Variants in GTF2F2 observed in about 807,000 individuals in gnomAD.
The protein encoded by GTF2F2 is general transcription factor IIF subunit 2, also known as ATP-dependent helicase GTF2F2.
GTF2F2 carries 23 observed loss-of-function variants against 42.2 expected under a neutral mutation model. The ratio of observed to expected loss-of-function variants is 0.55; its 90% CI spans 0.39 to 0.77. The LOEUF (loss-of-function observed/expected upper bound fraction) is 0.77. Ranked by LOEUF, GTF2F2 falls within the 30% of genes least tolerant of loss-of-function variation. The pLI, the probability that GTF2F2 is intolerant of heterozygous loss-of-function variation, is 0.00. For synonymous variants in GTF2F2, 105 were observed against 100.8 expected (o/e 1.04, Z -0.25); for missense variants, 261 against 287.2 (o/e 0.91, Z 0.66).
At chr13:45,210,599 C>G (rs2138192540) in intron 5 of GTF2F2, among the ~76,000 whole-genome samples, 1 of 152,060 alleles carries the variant, frequency 6.6e-6, no homozygotes, top group South Asian at 2.1e-4. Flanking sequence ...TTGTTTTTTT[C>G]TTTTTTGACT....
chr13:45,168,103 G>A (rs568344830), intron 4 of GTF2F2, among the ~76,000 whole-genome samples: 3 of 152,282 alleles, frequency 2.0e-5, no homozygotes, highest in Non-Finnish European at 2.9e-5. Context: ...AAAGAAAAAA[G>A]TCTGGTTTAG....
intron 5 of GTF2F2, among the ~76,000 whole-genome samples, chr13:45,242,688 G>T (rs1474525025): frequency 6.6e-6 from 1 of 152,108 alleles, no homozygotes; most frequent in African/African-American, 2.4e-5. Context: ...ATTAAATTAG[G>T]CAGAATTATA....
At chr13:45,141,996 G>A (rs1202670396) in intron 2 of GTF2F2, among the ~76,000 whole-genome samples, 3 of 152,138 alleles carry the variant, frequency 2.0e-5, no homozygotes, top group Non-Finnish European at 4.4e-5. Context: ...CTGAGGCTTT[G>A]GTTTACTTTG....
intron 2 of GTF2F2, among the ~76,000 whole-genome samples, chr13:45,148,336 T>A (rs746055757): frequency 1.8e-4 from 27 of 152,240 alleles, no homozygotes; most frequent in Non-Finnish European, 3.5e-4. Flanking sequence ...GTCTGTATTT[T>A]GTACTGTGAT....
At chr13:45,261,128 A>G (rs1385404499) in intron 6 of GTF2F2, among the ~76,000 whole-genome samples, 2 of 151,820 alleles carry the variant, frequency 1.3e-5, no homozygotes, top group African/African-American at 4.8e-5. Context: ...CCCATCTCAA[A>G]AAAGAAAAGG....
intron 5 of GTF2F2, among the ~76,000 whole-genome samples, chr13:45,245,909 C>G (rs1875575753): frequency 7.0e-6 from 1 of 142,996 alleles, no homozygotes; most frequent in Admixed American, 7.0e-5. Flanking sequence ...CCATTGCACT[C>G]CAGCCTGGGC....
intron 5 of GTF2F2, among the ~76,000 whole-genome samples, chr13:45,227,308 A>G (rs1468834489): frequency 6.6e-6 from 1 of 152,220 alleles, no homozygotes; most frequent in African/African-American, 2.4e-5. Flanking sequence ...TATTCAATTA[A>G]AAATGTAAGA....
chr13:45,151,857 G>T, intron 4 of GTF2F2, 26 bp downstream of exon 4: 2 of 1,070,840 alleles, frequency 1.9e-6, no homozygotes, highest in Non-Finnish European at 2.5e-6. Flanking sequence ...ATTATTTAAT[G>T]TGATTCCTGT....
chr13:45,121,011 C>T (rs1008641288), intron 1 of GTF2F2, among the ~76,000 whole-genome samples: 11 of 152,180 alleles, frequency 7.2e-5, no homozygotes, highest in Admixed American at 7.2e-4. Flanking sequence ...TTGGACGGTG[C>T]ATTTTATCCC....
chr13:45,162,952 C>CTAGA (rs1871108554), intron 4 of GTF2F2, among the ~76,000 whole-genome samples: 1 of 125,882 alleles, frequency 7.9e-6, no homozygotes, highest in South Asian at 2.9e-4. Context: ...ACCTCACTTG[C>CTAGA]TAGAGGTAAC....
At chr13:45,200,921 G>C (rs745388820) in intron 4 of GTF2F2, among the ~76,000 whole-genome samples, 1 of 152,250 alleles carries the variant, frequency 6.6e-6, no homozygotes, top group South Asian at 2.1e-4. Flanking sequence ...GAGTAACTTC[G>C]AGGTCTGGAG....
intron 6 of GTF2F2, among the ~76,000 whole-genome samples, chr13:45,263,386 G>A (rs887845109): frequency 6.6e-6 from 1 of 151,992 alleles, no homozygotes; most frequent in Admixed American, 6.6e-5. Context: ...CCGCCACCAT[G>A]CCCGGCTAAT....
chr13:45,184,164 A>G (rs574292965), intron 4 of GTF2F2, among the ~76,000 whole-genome samples: 2 of 151,940 alleles, frequency 1.3e-5, no homozygotes, highest in Non-Finnish European at 2.9e-5. Flanking sequence ...TCATTCACAT[A>G]CTTTCCCAGA....
intron 7 of GTF2F2, among the ~76,000 whole-genome samples, chr13:45,279,690 G>A (rs1361506051): frequency 1.3e-5 from 2 of 152,074 alleles, no homozygotes; most frequent in Admixed American, 6.5e-5. Flanking sequence ...GGTGGATCAC[G>A]AGGTCAGCAG....
chr13:45,170,921 G>T (rs1871563908), intron 4 of GTF2F2, among the ~76,000 whole-genome samples: 2 of 152,114 alleles, frequency 1.3e-5, no homozygotes, highest in Admixed American at 1.3e-4. Context: ...AGAGAGTGGA[G>T]GAAGATCATG....
chr13:45,249,925 G>A (rs1175629699), intron 5 of GTF2F2, among the ~76,000 whole-genome samples: 1 of 151,852 alleles, frequency 6.6e-6, no homozygotes, highest in South Asian at 2.1e-4. Context: ...TAGCTGTCCC[G>A]ACACTTTGTA....
chr13:45,138,367 A>T lies in GTF2F2; in HGVS notation c.140+1561A>T, dbSNP rs552548686. On this transcript the variant is annotated intron_variant, in intron 2 of 7. Coordinates refer to ENST00000340473, the MANE Select transcript of GTF2F2 (RefSeq NM_004128.3). ...AAGGTCCTTATTTTCTTTGTGTTCC[A>T]TGCCCTGGCTGTGACTTTCTCCACA... is the stretch of plus-strand genomic sequence containing the variant. Among the ~76,000 whole-genome samples, 163 of 152,254 alleles carry T rather than the reference A, an allele frequency of 1.1e-3. 1 individual carries two copies. The highest frequency in any genetic ancestry group is 3.9e-3 in the Admixed American group (59 of 15,296).
chr13:45,253,067 C>T, intron 6 of GTF2F2, 97 bp downstream of exon 6: 1 of 541,794 alleles, frequency 1.8e-6, no homozygotes, highest in Non-Finnish European at 3.2e-6. Context: ...AATTTACACA[C>T]CTTGCCATCA....
At chr13:45,127,948 T>TTC in intron 1 of GTF2F2, among the ~76,000 whole-genome samples, 1 of 126,950 alleles carries the variant, frequency 7.9e-6, no homozygotes, top group Non-Finnish European at 1.6e-5. Context: ...CTTTTTTTTT[T>TTC]TTTTTTTTTT....
Sources: allele counts gnomAD v4.1 joint callset (sites outside exome capture counted in the v4.1 genomes callset), GRCh38; gene constraint gnomAD v4.1.1; transcripts MANE v1.5; gene names NCBI Gene and HGNC (gene_info 2026-07-23, HGNC 2026-07-21).